The following LINGO2 variants were observed in gnomAD, a reference collection of about 807,000 sequenced individuals.
LINGO2 encodes leucine-rich repeat and immunoglobulin-like domain-containing nogo receptor-interacting protein 2.
Under a neutral mutation model 30.6 loss-of-function variants are expected in LINGO2, and 14 were observed. That is an observed-to-expected ratio of 0.46 (90% CI 0.30 to 0.72). The LOEUF (loss-of-function observed/expected upper bound fraction) is 0.72. Among genes scored for constraint, LINGO2 ranks in the 30% least tolerant of loss-of-function variants. The pLI is 0.07. For missense variants in LINGO2, 729 were observed against 751.7 expected, an observed-to-expected ratio of 0.97 and a Z score of 0.35; for synonymous variants, 317 against 288.5, an observed-to-expected ratio of 1.10 and a Z score of -1.00.
chr9:28,686,376 A>G, the LINGO2 span, among the ~76,000 whole-genome samples: 1 of 152,112 alleles, frequency 6.6e-6, no homozygotes, highest in African/African-American at 2.4e-5. Flanking sequence ...TTTTAAAGTT[A>G]CTATAGTGCA....
chr9:29,125,501 C>T, the LINGO2 span, among the ~76,000 whole-genome samples: 1 of 152,002 alleles, frequency 6.6e-6, no homozygotes, highest in Non-Finnish European at 1.5e-5. Flanking sequence ...CATTCCCTGA[C>T]AAAATTTGAT....
the LINGO2 span, among the ~76,000 whole-genome samples, chr9:29,179,981 G>A: frequency 6.6e-6 from 1 of 152,148 alleles, no homozygotes; most frequent in African/African-American, 2.4e-5. Flanking sequence ...CAGTTAAATA[G>A]CCTTTATTGA....
chr9:28,017,148 T>A (rs552916006), intron 4 of LINGO2, among the ~76,000 whole-genome samples: 1 of 152,276 alleles, frequency 6.6e-6, no homozygotes, highest in African/African-American at 2.4e-5. Flanking sequence ...CATCCCTTCA[T>A]GTTAAAAACT....
intron 4 of LINGO2, among the ~76,000 whole-genome samples, chr9:28,224,252 G>A (rs977715711): frequency 3.9e-5 from 6 of 152,160 alleles, no homozygotes; most frequent in Non-Finnish European, 1.5e-5. Context: ...TTTTAGTAGA[G>A]ACGGGGTTTC....
intron 1 of LINGO2, among the ~76,000 whole-genome samples, chr9:28,521,077 CA>C (rs1820809518): frequency 6.6e-6 from 1 of 152,074 alleles, no homozygotes; most frequent in Non-Finnish European, 1.5e-5. Context: ...GTTTTAGGCC[CA>C]GTAGAGCCTA....
At chr9:28,892,421 C>T in the LINGO2 span, among the ~76,000 whole-genome samples, 1 of 151,832 alleles carries the variant, frequency 6.6e-6, no homozygotes, top group African/African-American at 2.4e-5. Context: ...AAATGTTCAC[C>T]AATGCAATTG....
At chr9:28,079,716 C>G (rs1300688348) in intron 4 of LINGO2, among the ~76,000 whole-genome samples, 1 of 152,204 alleles carries the variant, frequency 6.6e-6, no homozygotes, top group Non-Finnish European at 1.5e-5. Context: ...CAACTGATCT[C>G]ATTTATTTCC....
At chr9:28,837,659 TAC>T in the LINGO2 span, among the ~76,000 whole-genome samples, 940 of 98,536 alleles carry the variant, frequency 9.5e-3, 139 homozygotes, top group African/African-American at 0.037. Flanking sequence ...AATATATATA[TAC>T]ATATATATAT....
At chr9:28,822,976 G>A in the LINGO2 span, among the ~76,000 whole-genome samples, 7 of 152,060 alleles carry the variant, frequency 4.6e-5, no homozygotes. Context: ...AGCAGCTTTT[G>A]GACTATTAAA....
intron 4 of LINGO2, among the ~76,000 whole-genome samples, chr9:28,176,461 A>T (rs1446083526): frequency 2.0e-5 from 3 of 152,166 alleles, no homozygotes; most frequent in Non-Finnish European, 2.9e-5. Context: ...TTTCTCCATT[A>T]GATGGTTATA....
At chr9:28,954,102 C>T in the LINGO2 span, among the ~76,000 whole-genome samples, 2 of 152,096 alleles carry the variant, frequency 1.3e-5, no homozygotes, top group East Asian at 3.8e-4. Flanking sequence ...TACTTCAAAG[C>T]TCAAACTTGA....
chr9:28,894,169 G>A, the LINGO2 span, among the ~76,000 whole-genome samples: 1 of 152,038 alleles, frequency 6.6e-6, no homozygotes, highest in Admixed American at 6.6e-5. Flanking sequence ...CATTTGGGTT[G>A]GTTCCAAGTC....
At chr9:28,772,158 G>A in the LINGO2 span, among the ~76,000 whole-genome samples, 2 of 152,200 alleles carry the variant, frequency 1.3e-5, no homozygotes, top group Non-Finnish European at 2.9e-5. Context: ...TAGCGCATTT[G>A]TAAGTTAATA....
chr9:28,594,892 A>G (rs975048458), intron 1 of LINGO2, among the ~76,000 whole-genome samples: 16 of 152,072 alleles, frequency 1.1e-4, no homozygotes, highest in Admixed American at 7.2e-4. Flanking sequence ...TCATGTGTGA[A>G]ATGGCACTGG....
At chr9:28,870,995 T>G in the LINGO2 span, among the ~76,000 whole-genome samples, 1 of 151,898 alleles carries the variant, frequency 6.6e-6, no homozygotes, top group African/African-American at 2.4e-5. Flanking sequence ...AATTTCAAAA[T>G]GAACACACAA....
chr9:28,627,402 G>A (rs894923347), intron 1 of LINGO2, among the ~76,000 whole-genome samples: 1 of 151,978 alleles, frequency 6.6e-6, no homozygotes, highest in Non-Finnish European at 1.5e-5. Flanking sequence ...GATTTTGGGA[G>A]TTCTTTCCTT....
At chr9:28,393,644 T>G (rs1018611157) in intron 2 of LINGO2, among the ~76,000 whole-genome samples, 2 of 151,832 alleles carry the variant, frequency 1.3e-5, no homozygotes, top group Non-Finnish European at 2.9e-5. Flanking sequence ...AGCGATGGAG[T>G]GGAATGCAAG....
At chr9:27,956,452 T>C (rs550630906) in intron 5 of LINGO2, among the ~76,000 whole-genome samples, 14 of 152,214 alleles carry the variant, frequency 9.2e-5, no homozygotes, top group Non-Finnish European at 1.5e-4. Flanking sequence ...AAATACAAGT[T>C]CTTTATTAGA....
At chr9:28,381,750 T>C (rs1183651211) in intron 2 of LINGO2, among the ~76,000 whole-genome samples, 1 of 152,084 alleles carries the variant, frequency 6.6e-6, no homozygotes, top group Non-Finnish European at 1.5e-5. Context: ...GGTGGTCTTG[T>C]ACTGACACTG....
Sources: gnomAD v4.1 joint callset for allele counts (sites outside exome capture counted in the v4.1 genomes callset) on GRCh38, gnomAD v4.1.1 for gene constraint, MANE v1.5 for transcripts, NCBI Gene and HGNC (gene_info 2026-07-23, HGNC 2026-07-21) for gene names.